The following IKBKB variants were observed in gnomAD, a reference collection of about 807,000 sequenced individuals.
IKBKB encodes the protein inhibitor of nuclear factor kappa-B kinase subunit beta.
Under a neutral mutation model 113.6 loss-of-function variants are expected in IKBKB, and 42 were observed. That is an observed-to-expected ratio of 0.37 (90% confidence interval 0.29 to 0.48). IKBKB has a LOEUF of 0.48. IKBKB is among the 20% of genes least tolerant of loss of function. IKBKB has a pLI of 0.99. For missense variants in IKBKB, 673 were observed against 939.7 expected (o/e 0.72, Z 3.71); for synonymous variants, 296 against 361.3 (o/e 0.82, Z 2.05).
intron 2 of IKBKB, among the ~76,000 whole-genome samples, chr8:42,281,184 A>T (rs756158232): frequency 1.3e-5 from 2 of 152,100 alleles, no homozygotes; most frequent in Non-Finnish European, 2.9e-5. Context: ...CTTGGGGTGA[A>T]TGGAGCTTTA....
At chr8:42,294,325 T>C (rs774443082) in intron 5 of IKBKB, among the ~76,000 whole-genome samples, 6 of 152,256 alleles carry the variant, frequency 3.9e-5, no homozygotes, top group Non-Finnish European at 7.3e-5. Flanking sequence ...ATTTTTTCTT[T>C]TTGTTTGCTC....
intron 7 of IKBKB, among the ~76,000 whole-genome samples, chr8:42,307,932 CCCCAGTCA>C (rs1816865508): frequency 6.6e-6 from 1 of 152,198 alleles, no homozygotes; most frequent in African/African-American, 2.4e-5. Flanking sequence ...CTTTTGCTTG[CCCCAGTCA>C]TTTCTGTCTC....
chr8:42,293,075 C>A (rs1249575905), intron 4 of IKBKB, among the ~76,000 whole-genome samples: 3 of 152,166 alleles, frequency 2.0e-5, no homozygotes, highest in Non-Finnish European at 4.4e-5. Context: ...TCCAGTCATG[C>A]CCTCCCAGCC....
chr8:42,296,017 A>C lies in IKBKB; in HGVS notation c.388+2505A>C, dbSNP rs575438476. 5.3e-5 allele frequency among the ~76,000 whole-genome samples: 8 copies of C among 152,348 alleles called. 1 individual carries two copies. Among genetic ancestry groups the C allele is most frequent in the African/African-American group, 1.9e-4 (8 of 41,578 alleles). On this transcript the variant is annotated intron_variant, in intron 5 of 21. Coordinates refer to ENST00000520810, the MANE Select transcript of IKBKB (RefSeq NM_001556.3). ...ATAGGTCTCCTATAGATAGATAGGTAGGTGAATATTAAATTCTGTAGGTTG... is the reference window on the plus strand; with the variant it reads ...ATAGGTCTCCTATAGATAGATAGGTCGGTGAATATTAAATTCTGTAGGTTG...
At chr8:42,313,067 AAT>A (rs1818024536) in intron 8 of IKBKB, among the ~76,000 whole-genome samples, 1 of 152,220 alleles carries the variant, frequency 6.6e-6, no homozygotes, top group African/African-American at 2.4e-5. Flanking sequence ...TAAGTGAATA[AAT>A]GATCTGTGTC....
intron 16 of IKBKB, chr8:42,321,622 T>G (rs1018826031): frequency 1.5e-5 from 6 of 401,370 alleles, no homozygotes; most frequent in Admixed American, 8.0e-5. Context: ...CCCAGGCTTA[T>G]GCAGTCCTCC....
At chr8:42,296,801 G>A (rs185322007) in intron 5 of IKBKB, among the ~76,000 whole-genome samples, 51 of 152,262 alleles carry the variant, frequency 3.3e-4, no homozygotes, top group Admixed American at 1.2e-3. Context: ...CAGTGTGACC[G>A]TGGGCACGTT....
At chr8:42,307,379 C>A (rs1816747977) in intron 7 of IKBKB, among the ~76,000 whole-genome samples, 1 of 152,154 alleles carries the variant, frequency 6.6e-6, no homozygotes, top group Non-Finnish European at 1.5e-5. Flanking sequence ...TATCTTAAAA[C>A]CTCTGCAGAG....
At position 42,316,183 on chromosome 8, in the gene IKBKB, C is replaced by G. The variant is rs752733897; in HGVS notation, c.801-27C>G. 3.1e-6 allele frequency: 5 copies of G among 1,612,078 alleles called. No homozygotes were observed. Among genetic ancestry groups the G allele is most frequent in the Non-Finnish European group, 4.2e-6 (5 of 1,179,098 alleles). On this transcript the variant is annotated intron_variant, in intron 9 of 21. Transcript: ENST00000520810. This position sits in a 1 kb window ranked among gnomAD's most constrained non-coding sequence, Gnocchi z 4.5. ...AGCCCAACATTGGCTGGAAGTGTCT[C>G]CTCACACACTATGCTCCTCTCCACA...
chr8:42,319,011 C>A, intron 13 of IKBKB: 1 of 562,704 alleles, frequency 1.8e-6, no homozygotes, highest in South Asian at 2.2e-5. Flanking sequence ...CGGACTCTTT[C>A]CTCATTGTGA....
intron 11 of IKBKB, chr8:42,317,316 T>A: frequency 2.3e-6 from 1 of 427,094 alleles, no homozygotes; most frequent in Non-Finnish European, 4.3e-6. Flanking sequence ...ACTATAGCTG[T>A]GTAAGACATG....
intron 19 of IKBKB, among the ~76,000 whole-genome samples, chr8:42,323,152 C>A (rs944250454): frequency 2.0e-5 from 3 of 152,190 alleles, no homozygotes; most frequent in African/African-American, 7.2e-5. Flanking sequence ...GGATTTGAGT[C>A]CCACCCAAGT....
At chr8:42,306,669 C>T (rs978077714) in intron 7 of IKBKB, among the ~76,000 whole-genome samples, 1 of 152,234 alleles carries the variant, frequency 6.6e-6, no homozygotes, top group African/African-American at 2.4e-5. Flanking sequence ...GCGCCTTGCA[C>T]CATCCCCTAG....
At position 42,332,315 on chromosome 8, in the gene IKBKB, C is replaced by T. The variant is rs943457780; in HGVS notation, c.*1336C>T. 6.6e-6 allele frequency: 1 copy of T among 152,222 alleles called. No individual in the cohort carries two copies. Among genetic ancestry groups the T allele is most frequent in the African/African-American group, 2.4e-5 (1 of 41,446 alleles). 9.4% of individuals were successfully genotyped at this position (152,222 alleles called of 1,614,324 possible). On this transcript the variant is annotated 3_prime_UTR_variant, in exon 22 of 22. Coordinates refer to ENST00000520810, the MANE Select transcript of IKBKB (RefSeq NM_001556.3). ...TCTGAAAAGTCTTATAATAAAGAAA[C>T]AGGCTTAACTTTGTGTAAGAACACT...
At position 42,320,843 on chromosome 8, in the gene IKBKB, C is replaced by T; in HGVS notation, c.1687C>T (p.Leu563=). Residue 563 remains leucine (L), a splice_region_variant and synonymous_variant, in exon 16 of 22, where the codon CTA becomes TTA. Transcript: ENST00000520810. ...GRKQGGTLDD[L]EEQARELYRR... ...GAAGCAGGGGGGAACGCTGGACGAC[C>T]TGTGAGTACTGGCTGGGGGGCCCCT... The T allele has an allele frequency of 6.3e-7, 1 of 1,576,884 alleles. No homozygotes were observed. The highest frequency in any genetic ancestry group is 8.6e-7 in the Non-Finnish European group (1 of 1,159,982).
At position 42,331,025 on chromosome 8, in the gene IKBKB, C is replaced by T; in HGVS notation, c.*46C>T. ...TGACATGGGGCAGCCCATAGCAGGCCTTGTGCAGTGGGGGGACTCGACCCC... is the reference window on the plus strand; with the variant it reads ...TGACATGGGGCAGCCCATAGCAGGCTTTGTGCAGTGGGGGGACTCGACCCC... On this transcript the variant is annotated 3_prime_UTR_variant, in exon 22 of 22. Transcript: ENST00000520810. 1 of 1,600,070 alleles carries T rather than the reference C, an allele frequency of 6.2e-7. No individual in the cohort carries two copies. The highest frequency in any genetic ancestry group is 8.5e-7 in the Non-Finnish European group (1 of 1,170,930).
At chr8:42,300,742 G>C (rs1815018027) in intron 5 of IKBKB, among the ~76,000 whole-genome samples, 1 of 152,226 alleles carries the variant, frequency 6.6e-6, no homozygotes, top group Non-Finnish European at 1.5e-5. Flanking sequence ...GAAGGAGGCT[G>C]TTATCTTCCT....
Position 42,331,312 on chromosome 8 carries a change from A to G in IKBKB, c.*333A>G, listed in dbSNP as rs1821662145. The G allele has an allele frequency of 1.4e-6, 1 of 702,448 alleles. No homozygotes were observed. Among genetic ancestry groups the G allele is most frequent in the South Asian group, 1.5e-5 (1 of 67,584 alleles). The allele number at this position is 702,448 out of a possible 1,614,324, so 43.5% of individuals were successfully genotyped here. A position where few individuals can be genotyped will look rare whatever the true frequency, so the allele number is the denominator to read the frequency against. The stretch of plus-strand genomic sequence containing the variant: ...TGGCCCCACAAACGTTCAGGGGTAC[A>G]GCCATGGCAGCTCCTTCCTCTGCCG... On this transcript the variant is annotated 3_prime_UTR_variant, in exon 22 of 22. Transcript: ENST00000520810.
intron 2 of IKBKB, among the ~76,000 whole-genome samples, chr8:42,279,042 G>A (rs1039602102): frequency 1.3e-5 from 2 of 152,094 alleles, no homozygotes; most frequent in African/African-American, 4.8e-5. Flanking sequence ...AATTAACAGC[G>A]CTTAGTGGTG....
Sources: allele counts gnomAD v4.1 joint callset (sites outside exome capture counted in the v4.1 genomes callset), GRCh38; gene constraint gnomAD v4.1.1; non-coding constraint Gnocchi (gnomAD v3.1); transcripts MANE v1.5; gene names NCBI Gene and HGNC (gene_info 2026-07-23, HGNC 2026-07-21).